Variants in DNAH2 observed in about 807,000 individuals in gnomAD.
DNAH2 encodes axonemal beta dynein heavy chain 2.
Under a neutral mutation model 523.5 loss-of-function variants are expected in DNAH2, and 323 were observed. The ratio of observed to expected loss-of-function variants is 0.62; its 90% confidence interval spans 0.56 to 0.68. DNAH2 has a LOEUF of 0.68. DNAH2 is among the 30% of genes least tolerant of loss of function. The probability of loss-of-function intolerance (pLI) is 0.00; values close to 1 mark genes in which losing one functional copy is unlikely to be tolerated. For synonymous variants in DNAH2, 2,093 were observed against 2,177.4 expected, an observed-to-expected ratio of 0.96 and a Z score of 1.08; for missense variants, 4,907 against 5,701.5, an observed-to-expected ratio of 0.86 and a Z score of 4.49.
chr17:7,737,195 C>A lies in DNAH2; in HGVS notation c.1107C>A (p.Arg369=), dbSNP rs530963610. ...TCCCTAAGCTGATCAGTCTCATCCG[C>A]ATCATCTGGGTCAACTCTCCCCACT... ...SKLPKLISLI[R]IIWVNSPHYN... is the part of the protein sequence containing the mutation. Residue 369 remains arginine (R), a synonymous_variant, in exon 8 of 86, where the codon CGC becomes CGA. Coordinates refer to ENST00000572933, the MANE Select transcript of DNAH2 (RefSeq NM_020877.5). 2.6e-4 allele frequency: 425 copies of A among 1,614,116 alleles called. 5 individuals are homozygous for A. The South Asian group carries it at 4.5e-3, about 17-fold the overall frequency.
intron 12 of DNAH2, among the ~76,000 whole-genome samples, chr17:7,752,735 A>G (rs2075725338): frequency 6.6e-6 from 1 of 152,186 alleles, no homozygotes; most frequent in Non-Finnish European, 1.5e-5. Context: ...TTGTATGTTC[A>G]GTTTAACTAA....
At chr17:7,829,027 A>ATT (rs769072518) in intron 77 of DNAH2, among the ~76,000 whole-genome samples, 3 of 141,756 alleles carry the variant, frequency 2.1e-5, no homozygotes, top group African/African-American at 5.2e-5. Context: ...CATTATTATT[A>ATT]TTATTTTTTT....
Position 7,818,458 on chromosome 17 carries a change from C to G in DNAH2, c.10534C>G (p.Gln3512Glu), listed in dbSNP as rs1189840860. ...CATCGTCAACTTTGCTGTTAAAGAA[C>G]AGGTGGGTACAGGCTGAGGTCCAGA... The part of the protein sequence containing the change: ...TTIVNFAVKE[Q>E]GLEAQLLGIV... Residue 3512 changes from glutamine to glutamate, a missense_variant and splice_region_variant, in exon 69 of 86, where the codon CAG (glutamine) becomes GAG (glutamate). By Grantham distance (29) the Gln-to-Glu change is conservative (BLOSUM62 2). Coordinates refer to ENST00000572933, the MANE Select transcript of DNAH2 (RefSeq NM_020877.5). 6 of 1,614,010 alleles carry G rather than the reference C, an allele frequency of 3.7e-6. No individual in the cohort carries two copies. Among genetic ancestry groups the G allele is most frequent in the Non-Finnish European group, 5.1e-6 (6 of 1,180,010 alleles).
At chr17:7,783,332 C>T (rs1477847607) in intron 39 of DNAH2, among the ~76,000 whole-genome samples, 2 of 152,118 alleles carry the variant, frequency 1.3e-5, no homozygotes, top group Non-Finnish European at 2.9e-5. Flanking sequence ...CTGCCTCAGC[C>T]TCCCAAAGTG....
intron 32 of DNAH2, among the ~76,000 whole-genome samples, chr17:7,777,128 CAA>C (rs748410853): frequency 3.4e-4 from 30 of 87,852 alleles, no homozygotes; most frequent in Non-Finnish European, 4.7e-4. Context: ...GACTCTGTCT[CAA>C]AAAAAAAAAA....
In DNAH2 at chr17:7,780,917, C is replaced by T. The variant is rs2076587948; in HGVS notation, c.6004-125C>T. On this transcript the variant is annotated intron_variant, in intron 38 of 85. Coordinates refer to ENST00000572933, the MANE Select transcript of DNAH2 (RefSeq NM_020877.5). The surrounding 1 kb of genome is among the most constrained non-coding windows in gnomAD (Gnocchi z 4.4). ...CCCACCTCGTCCCATCCCCGTGTTGCCCGCTGCTTTGCTAATGGCTAACTG... is the reference window on the plus strand; with the variant it reads ...CCCACCTCGTCCCATCCCCGTGTTGTCCGCTGCTTTGCTAATGGCTAACTG... 1 of 1,580,544 alleles carries T rather than the reference C, an allele frequency of 6.3e-7. No homozygotes were observed. Among genetic ancestry groups the T allele is most frequent in the Non-Finnish European group, 8.6e-7 (1 of 1,159,826 alleles).
At chr17:7,788,931 G>A (rs756987862) in intron 44 of DNAH2, among the ~76,000 whole-genome samples, 5 of 152,180 alleles carry the variant, frequency 3.3e-5, no homozygotes, top group African/African-American at 7.2e-5. Flanking sequence ...TTGGGAGGCC[G>A]AGGTGGGTGG....
intron 48 of DNAH2, among the ~76,000 whole-genome samples, chr17:7,793,447 TTTTCTTTCTTTCTTTCTTTCTTTCTTTC>T: frequency 1.0e-5 from 1 of 96,416 alleles, no homozygotes; most frequent in East Asian, 2.7e-4. Flanking sequence ...CTTTCTTTCT[TTTTCTTTCTTTCTTTCTTTCTTTCTTTC>T]TTTCTTTCTT....
At chr17:7,795,219 C>A (rs1370903868) in intron 49 of DNAH2, among the ~76,000 whole-genome samples, 1 of 151,980 alleles carries the variant, frequency 6.6e-6, no homozygotes, top group East Asian at 1.9e-4. Context: ...TTATGATGAG[C>A]AAAATACCAC....
rs2074545090 is a variant in DNAH2 at position 7,719,886 on chromosome 17, C to T, written c.152C>T (p.Pro51Leu). The change falls in exon 2 of 86, where the codon CCC becomes CTC. Residue 51 changes from proline to leucine, a missense_variant. This residue lies in a region of DNAH2 where 2,806 missense variants were observed against 3,190.8 expected (regional missense o/e 0.88). Transcript: ENST00000572933. Reference sequence around the variant, plus strand: ...GAGCCAGAGCTGCAGGCTGAGCTCCCCAAGGAGGAGCCTGGTGGGTACTTG... The same window carrying T: ...GAGCCAGAGCTGCAGGCTGAGCTCCTCAAGGAGGAGCCTGGTGGGTACTTG... Reference protein sequence around the residue: ...VSEPELQAELPKEEPEPRLEG... With the variant: ...VSEPELQAELLKEEPEPRLEG... The T allele has an allele frequency of 6.4e-7, 1 of 1,555,166 alleles. No homozygotes were observed. The highest frequency in any genetic ancestry group is 1.4e-5 in the African/African-American group (1 of 73,356).
Position 7,719,624 on chromosome 17 carries a change from T to G in DNAH2, c.-14-97T>G, listed in dbSNP as rs1016320629. On this transcript the variant is annotated intron_variant, in intron 1 of 85. Coordinates refer to ENST00000572933, the MANE Select transcript of DNAH2 (RefSeq NM_020877.5). Reference sequence around the variant, plus strand: ...CCAGAAAAGATGATCATATTGAGTTTCAGTCAATTTATGAATTCAAAAGGG... The same window carrying G: ...CCAGAAAAGATGATCATATTGAGTTGCAGTCAATTTATGAATTCAAAAGGG... The G allele has an allele frequency of 6.2e-6, 9 of 1,443,484 alleles. No homozygotes were observed. The African/African-American group carries it at 1.3e-4, about 20-fold the overall frequency. The allele number at this position is 1,443,484 out of a possible 1,614,324, so 89.4% of individuals were successfully genotyped here. A position where few individuals can be genotyped will look rare whatever the true frequency, so the allele number is the denominator to read the frequency against.
chr17:7,818,614 C>T, intron 69 of DNAH2, 29 bp from the exon 70 acceptor site: 1 of 1,612,306 alleles, frequency 6.2e-7, no homozygotes, highest in South Asian at 1.1e-5. Context: ...GGAGTGACAG[C>T]CCCTCACTGT....
chr17:7,796,455 TG>T lies in DNAH2; in HGVS notation c.7675-8del. 6.2e-7 allele frequency: 1 copy of T among 1,613,660 alleles called. No individual in the cohort carries two copies. Among genetic ancestry groups the T allele is most frequent in the Non-Finnish European group, 8.5e-7 (1 of 1,179,814 alleles). On this transcript the variant is annotated splice_region_variant and splice_polypyrimidine_tract_variant and intron_variant, in intron 49 of 85. Transcript: ENST00000572933. The stretch of plus-strand genomic sequence containing the variant: ...CAGCCCTGGAGAGTGAGCCAGGGTC[TG>T]TTTCTAGAAGTCCCAGATCATCCGC...
At position 7,821,200 on chromosome 17, in the gene DNAH2, C is replaced by T. The variant is rs1314878867; in HGVS notation, c.11016-43C>T. 3.1e-6 allele frequency: 5 copies of T among 1,598,218 alleles called. No individual in the cohort carries two copies. Among genetic ancestry groups the T allele is most frequent in the Admixed American group, 1.7e-5 (1 of 59,244 alleles). On this transcript the variant is annotated intron_variant, in intron 72 of 85. Transcript: ENST00000572933. The surrounding 1 kb of genome is among the most constrained non-coding windows in gnomAD (Gnocchi z 5.0). ...AGCATTCGCATGGAGCATCAGCCCCCATTCCATGCTGCCCCTCCCTCTTCC... is the reference window on the plus strand; with the variant it reads ...AGCATTCGCATGGAGCATCAGCCCCTATTCCATGCTGCCCCTCCCTCTTCC...
At position 7,760,155 on chromosome 17, in the gene DNAH2, G is replaced by A. The variant is rs1370860859; in HGVS notation, c.2785+217G>A. Among the ~76,000 whole-genome samples the A allele has an allele frequency of 2.6e-5, 4 of 152,156 alleles. No homozygotes were observed. The highest frequency in any genetic ancestry group is 9.7e-5 in the African/African-American group (4 of 41,426). On this transcript the variant is annotated intron_variant, in intron 17 of 85. Transcript: ENST00000572933. This position sits in a 1 kb window ranked among gnomAD's most constrained non-coding sequence, Gnocchi z 4.0. ...GGCTGAGGCAGGCAGGTCATTTGAG[G>A]TCAGGAGTTCGAGACTAGCCTGGCC...
At chr17:7,729,494 A>T (rs984224955) in intron 4 of DNAH2, among the ~76,000 whole-genome samples, 9 of 152,040 alleles carry the variant, frequency 5.9e-5, no homozygotes, top group African/African-American at 2.2e-4. Context: ...GCAATGGCGC[A>T]ATCTCGGCTC....
intron 10 of DNAH2, 109 bp from the exon 11 acceptor site, chr17:7,740,701 C>T: frequency 6.5e-7 from 1 of 1,532,488 alleles, no homozygotes; most frequent in Non-Finnish European, 8.8e-7. Context: ...GCTTCGGCGT[C>T]CCCGGGAGTG....
At chr17:7,744,587 G>A (rs948104450) in intron 12 of DNAH2, among the ~76,000 whole-genome samples, 4 of 152,184 alleles carry the variant, frequency 2.6e-5, no homozygotes, top group Non-Finnish European at 4.4e-5. Context: ...CCGTTGAGGA[G>A]CAGAGTGTGC....
At chr17:7,722,583 A>C (rs1041202899) in intron 2 of DNAH2, among the ~76,000 whole-genome samples, 5 of 152,080 alleles carry the variant, frequency 3.3e-5, no homozygotes, top group Non-Finnish European at 7.4e-5. Flanking sequence ...GATCCCAGGA[A>C]CCGCTCATCT....
Sources: gnomAD v4.1 joint callset for allele counts (sites outside exome capture counted in the v4.1 genomes callset) on GRCh38, gnomAD v4.1.1 for gene constraint, gnomAD v4.1.1 regional missense constraint, Gnocchi (gnomAD v3.1) non-coding constraint, MANE v1.5 for transcripts, NCBI Gene and HGNC (gene_info 2026-07-23, HGNC 2026-07-21) for gene names.